The following DCDC1 variants were observed in gnomAD, a reference collection of about 807,000 sequenced individuals.
DCDC1 encodes doublecortin domain-containing protein 1.
A neutral mutation model predicts 178.3 loss-of-function variants in DCDC1; 200 were observed. The ratio of observed to expected loss-of-function variants is 1.12; its 90% CI spans 1.00 to 1.26. The LOEUF (loss-of-function observed/expected upper bound fraction) is 1.26, where lower values mean the gene tolerates loss of function less well. Ranked by LOEUF, DCDC1 falls within the 50% of genes most tolerant of loss-of-function variation. DCDC1 has a pLI of 0.00. For missense variants in DCDC1, 1,983 were observed against 1,749.2 expected, an observed-to-expected ratio of 1.13 and a Z score of -2.38; for synonymous variants, 690 against 604.8, an observed-to-expected ratio of 1.14 and a Z score of -2.07.
At chr11:31,325,910 G>A (rs1344367252) in intron 3 of DCDC1, among the ~76,000 whole-genome samples, 3 of 152,042 alleles carry the variant, frequency 2.0e-5, no homozygotes, top group African/African-American at 7.2e-5. Flanking sequence ...AATCAGGGGG[G>A]AAATGTCTTT....
At chr11:31,154,368 A>G (rs1271719612) in intron 9 of DCDC1, among the ~76,000 whole-genome samples, 1 of 152,220 alleles carries the variant, frequency 6.6e-6, no homozygotes, top group Non-Finnish European at 1.5e-5. Context: ...GTTTCCCTCC[A>G]GGAAGCCTGC....
chr11:31,099,909 G>A (rs960262057), intron 15 of DCDC1, among the ~76,000 whole-genome samples: 2 of 151,928 alleles, frequency 1.3e-5, no homozygotes, highest in Non-Finnish European at 2.9e-5. Flanking sequence ...AGTAGAGACG[G>A]GGTTTCACCA....
intron 9 of DCDC1, among the ~76,000 whole-genome samples, chr11:31,239,348 A>G (rs1463733821): frequency 6.6e-6 from 1 of 152,030 alleles, no homozygotes; most frequent in Non-Finnish European, 1.5e-5. Context: ...AAATAAAGAT[A>G]TTGTCAGGCT....
intron 21 of DCDC1, among the ~76,000 whole-genome samples, chr11:30,950,969 G>A (rs1948382285): frequency 1.3e-5 from 2 of 151,844 alleles, no homozygotes; most frequent in South Asian, 4.2e-4. Context: ...AACATCACAT[G>A]TATCTCATAA....
At chr11:31,022,643 T>TTG (rs4067986) in intron 20 of DCDC1, among the ~76,000 whole-genome samples, 10,977 of 120,914 alleles carry the variant, frequency 0.091, 487 homozygotes, top group South Asian at 0.13. Flanking sequence ...GTCTTTTAGT[T>TTG]TGTGTGTGTG....
intron 9 of DCDC1, among the ~76,000 whole-genome samples, chr11:31,159,617 G>C (rs937291793): frequency 6.6e-6 from 1 of 152,226 alleles, no homozygotes; most frequent in Non-Finnish European, 1.5e-5. Flanking sequence ...GTAAGTGTGA[G>C]CCAAGATTGC....
chr11:30,869,676 A>G (rs1214478167), intron 38 of DCDC1, among the ~76,000 whole-genome samples: 1 of 152,208 alleles, frequency 6.6e-6, no homozygotes, highest in Non-Finnish European at 1.5e-5. Context: ...CAGGAAGAAA[A>G]TGTGCAAAAT....
intron 11 of DCDC1, among the ~76,000 whole-genome samples, chr11:31,126,194 TAGC>T (rs1044176540): frequency 2.6e-5 from 4 of 152,202 alleles, no homozygotes; most frequent in African/African-American, 9.6e-5. Flanking sequence ...TATTTTTTCT[TAGC>T]AGCTGCATCC....
intron 21 of DCDC1, chr11:30,943,066 G>A (rs1947766900): frequency 6.6e-6 from 1 of 152,006 alleles, no homozygotes; most frequent in Non-Finnish European, 1.5e-5. Context: ...TTTCTCAGTT[G>A]GAATTCTTAT....
intron 18 of DCDC1, among the ~76,000 whole-genome samples, chr11:31,069,394 T>C (rs761127330): frequency 1.6e-4 from 24 of 152,214 alleles, no homozygotes; most frequent in Non-Finnish European, 2.6e-4. Context: ...TGTTTTCTTA[T>C]GTCAGTTCTT....
Position 30,905,193 on chromosome 11 carries a change from T to C in DCDC1, c.4105-29A>G, listed in dbSNP as rs775990724. On this transcript the variant is annotated intron_variant, in intron 30 of 38. Transcript: ENST00000684477. ...ATTTTTTAAAAAATAAATTGTACATTTACTCAAACTTTCTTGTTTTAGTGT... is the reference window on the plus strand; with the variant it reads ...ATTTTTTAAAAAATAAATTGTACATCTACTCAAACTTTCTTGTTTTAGTGT... 1.6e-5 allele frequency: 24 copies of C among 1,545,790 alleles called. No individual in the cohort carries two copies. In the Admixed American group the frequency reaches 4.7e-4, roughly 30 times the overall value.
In DCDC1 at chr11:30,945,731, T is replaced by A. The variant is rs193216013; in HGVS notation, c.2715+6714A>T. ...ATCTATCTATCTATCTATCTATCTA[T>A]CTATCTATCTATCTATCTGTCTGTC... On this transcript the variant is annotated intron_variant, in intron 21 of 38. Transcript: ENST00000684477. 2.0e-5 allele frequency among the ~76,000 whole-genome samples: 3 copies of A among 146,470 alleles called. No individual in the cohort carries two copies. In the East Asian group the frequency reaches 5.8e-4, roughly 29 times the overall value.
chr11:31,037,428 C>CTTTT lies in DCDC1; in HGVS notation c.2591+27040_2591+27041insAAAA, dbSNP rs869310230. Among the ~76,000 whole-genome samples, 2 of 44,876 alleles carry CTTTT rather than the reference C, an allele frequency of 4.5e-5. 1 individual carries two copies. The allele number at this position is 44,876 out of a possible 152,430, so 29.4% of individuals were successfully genotyped here. On this transcript the variant is annotated intron_variant, in intron 20 of 38. Coordinates refer to ENST00000684477, the MANE Select transcript of DCDC1 (RefSeq NM_001387274.1). The stretch of plus-strand genomic sequence containing the variant: ...AAAATTGGCCTGCCTCTAAATATTT[C>CTTTT]TTTCTTTTTTTTTTTTTTTTTTGAG...
chr11:30,945,742 ATCT>A (rs1947991988), intron 21 of DCDC1, among the ~76,000 whole-genome samples: 1 of 130,056 alleles, frequency 7.7e-6, no homozygotes, highest in Non-Finnish European at 1.6e-5. Flanking sequence ...CTATCTATCT[ATCT>A]ATCTGTCTGT....
intron 17 of DCDC1, among the ~76,000 whole-genome samples, chr11:31,087,440 A>G (rs1057154144): frequency 6.6e-6 from 1 of 151,990 alleles, no homozygotes; most frequent in Non-Finnish European, 1.5e-5. Flanking sequence ...AGCTGAAGTC[A>G]TTGATTTAAT....
At chr11:30,996,001 T>G (rs1253294516) in intron 20 of DCDC1, among the ~76,000 whole-genome samples, 1 of 151,928 alleles carries the variant, frequency 6.6e-6, no homozygotes, top group Non-Finnish European at 1.5e-5. Context: ...TAGGAAAAAA[T>G]ATTTGTAAAT....
intron 9 of DCDC1, among the ~76,000 whole-genome samples, chr11:31,227,935 A>C (rs1290277638): frequency 6.6e-6 from 1 of 152,100 alleles, no homozygotes; most frequent in Non-Finnish European, 1.5e-5. Flanking sequence ...AGGATTTTTA[A>C]GTTAATTTAT....
At chr11:31,154,428 T>C (rs1275054606) in intron 9 of DCDC1, among the ~76,000 whole-genome samples, 1 of 152,210 alleles carries the variant, frequency 6.6e-6, no homozygotes, top group African/African-American at 2.4e-5. Context: ...TACCCTCTAC[T>C]GTGCTCCTAT....
At chr11:31,295,807 G>A (rs565302449) in intron 6 of DCDC1, among the ~76,000 whole-genome samples, 4 of 152,214 alleles carry the variant, frequency 2.6e-5, no homozygotes, top group South Asian at 2.1e-4. Context: ...GACCTGAGAC[G>A]CGGTAAAGGA....
Sources: gnomAD v4.1 joint callset for allele counts (sites outside exome capture counted in the v4.1 genomes callset) on GRCh38, gnomAD v4.1.1 for gene constraint, MANE v1.5 for transcripts, NCBI Gene and HGNC (gene_info 2026-07-23, HGNC 2026-07-21) for gene names.